CD47: variants seen among roughly 807,000 people sequenced by gnomAD.
CD47 encodes the protein CD47 molecule.
Under a neutral mutation model 44.6 loss-of-function variants are expected in CD47, and 11 were observed. The observed-to-expected ratio is 0.25, with a 90% CI of 0.16 to 0.41. CD47 has a LOEUF of 0.41. Among genes scored for constraint, CD47 ranks in the 10% least tolerant of loss-of-function variants. The pLI, the probability that CD47 is intolerant of heterozygous loss-of-function variation, is 1.00. For missense variants in CD47, 306 were observed against 386.7 expected (o/e 0.79, Z 1.75); for synonymous variants, 140 against 136.3 (o/e 1.03, Z -0.19).
intron 3 of CD47, among the ~76,000 whole-genome samples, chr3:108,061,232 A>G (rs1266623073): frequency 6.7e-6 from 1 of 150,342 alleles, no homozygotes; most frequent in Non-Finnish European, 1.5e-5. Flanking sequence ...ACTAGATGCT[A>G]GTAACTAGAT....
At chr3:108,090,414 G>C (rs1285650238) in intron 1 of CD47, among the ~76,000 whole-genome samples, 1 of 152,198 alleles carries the variant, frequency 6.6e-6, no homozygotes. Flanking sequence ...TCCATCGCAA[G>C]AGGCCCGGGC....
chr3:108,065,654 T>C (rs559021673), intron 3 of CD47, among the ~76,000 whole-genome samples: 2 of 151,044 alleles, frequency 1.3e-5, no homozygotes, highest in African/African-American at 4.9e-5. Flanking sequence ...CTACTAAAAA[T>C]ACAAAAATTA....
chr3:108,052,406 G>C (rs1291594403), intron 7 of CD47: 1 of 163,256 alleles, frequency 6.1e-6, no homozygotes, highest in Non-Finnish European at 1.3e-5. Context: ...TACAAGCTCA[G>C]TCTCTTTCTC....
intron 2 of CD47, among the ~76,000 whole-genome samples, chr3:108,078,539 G>T (rs1279032175): frequency 6.6e-6 from 1 of 150,942 alleles, no homozygotes; most frequent in Non-Finnish European, 1.5e-5. Context: ...ATTTCAACTA[G>T]GTATTAGATG....
chr3:108,049,605 C>T lies in CD47; in HGVS notation c.967+14G>A. On this transcript the variant is annotated intron_variant, in intron 10 of 10. Coordinates refer to ENST00000361309, the MANE Select transcript of CD47 (RefSeq NM_001777.4). The stretch of plus-strand genomic sequence containing the variant: ...TTAACTGATCTATAATTATTAAGTG[C>T]ATTTTATACTTACCATCATTCATCA... 1 of 1,504,436 alleles carries T rather than the reference C, an allele frequency of 6.6e-7. No individual in the cohort carries two copies. Among genetic ancestry groups the T allele is most frequent in the Non-Finnish European group, 9.3e-7 (1 of 1,080,442 alleles). The allele number at this position is 1,504,436 out of a possible 1,614,324, so 93.2% of individuals were successfully genotyped here. A position where few individuals can be genotyped will look rare whatever the true frequency, so the allele number is the denominator to read the frequency against.
At chr3:108,055,569 G>A in intron 7 of CD47, 1 of 1,302,036 alleles carries the variant, frequency 7.7e-7, no homozygotes, top group Non-Finnish European at 1.0e-6. Flanking sequence ...TCTGAACCCT[G>A]GCATCAGACA....
chr3:108,079,811 G>A (rs1181688190), intron 2 of CD47, among the ~76,000 whole-genome samples, 180 bp downstream of exon 2: 2 of 151,790 alleles, frequency 1.3e-5, no homozygotes, highest in Non-Finnish European at 1.5e-5. Context: ...ACCATGAAGA[G>A]TAGATTAACA....
chr3:108,085,417 G>A (rs1375529550), intron 1 of CD47, among the ~76,000 whole-genome samples: 3 of 152,116 alleles, frequency 2.0e-5, no homozygotes, highest in African/African-American at 7.2e-5. Flanking sequence ...ATACCTCATA[G>A]AGATATTGTT....
rs1164098558 is a variant in CD47, at chr3:108,043,542, T to C, written c.*3746A>G. 1 of 152,560 alleles carries C rather than the reference T, an allele frequency of 6.6e-6. No homozygotes were observed. The highest frequency in any genetic ancestry group is 1.5e-5 in the Non-Finnish European group (1 of 68,020). 9.5% of individuals were successfully genotyped at this position (152,560 alleles called of 1,614,324 possible). ...TGACAAATAGCACACCTTTAATTGCTATGCAAAAAAGCTCCAAGAGAGGAT... is the reference window on the plus strand; with the variant it reads ...TGACAAATAGCACACCTTTAATTGCCATGCAAAAAAGCTCCAAGAGAGGAT... On this transcript the variant is annotated 3_prime_UTR_variant, in exon 11 of 11. Transcript: ENST00000361309.
chr3:108,064,918 T>C (rs1335452225), intron 3 of CD47, among the ~76,000 whole-genome samples: 1 of 152,218 alleles, frequency 6.6e-6, no homozygotes, highest in African/African-American at 2.4e-5. Flanking sequence ...CCTTTACACA[T>C]AAAATTACAA....
At chr3:108,063,120 T>C (rs1408536629) in intron 3 of CD47, among the ~76,000 whole-genome samples, 1 of 152,192 alleles carries the variant, frequency 6.6e-6, no homozygotes, top group Admixed American at 6.5e-5. Flanking sequence ...ATGGTCCGTC[T>C]CTCTTTGAGT....
intron 5 of CD47, 55 bp downstream of exon 5, chr3:108,059,397 C>G (rs2078973499): frequency 1.2e-6 from 1 of 839,214 alleles, no homozygotes; most frequent in African/African-American, 1.8e-5. Context: ...ACCAAAACTG[C>G]TGTTTTGTAA....
intron 7 of CD47, chr3:108,054,513 G>C (rs1214938816): frequency 6.6e-6 from 1 of 152,056 alleles, no homozygotes; most frequent in Non-Finnish European, 1.5e-5. Flanking sequence ...TACGATTTCT[G>C]CTGCTACCAT....
intron 2 of CD47, among the ~76,000 whole-genome samples, chr3:108,078,056 C>T (rs1256962624): frequency 1.3e-5 from 2 of 152,024 alleles, no homozygotes; most frequent in African/African-American, 4.8e-5. Flanking sequence ...TGTGAACTTC[C>T]TGATTTTCAT....
rs138378253 is a variant in CD47, at chr3:108,083,973, C to T, written c.47-3629G>A. 6.5e-3 allele frequency among the ~76,000 whole-genome samples: 992 copies of T among 151,720 alleles called. 16 individuals are homozygous for T. Among genetic ancestry groups the T allele is most frequent in the African/African-American group, 0.023 (950 of 41,354 alleles). ...TAGTTTCCATTTCTGCCTCCATACC[C>T]ATCAGTCTCCTCAACGACTTTCCTT... On this transcript the variant is annotated intron_variant, in intron 1 of 10. Coordinates refer to ENST00000361309, the MANE Select transcript of CD47 (RefSeq NM_001777.4).
rs2078708364 is a variant in CD47 at position 108,045,532 on chromosome 3, G to C, written c.*1756C>G. The C allele has an allele frequency of 6.6e-6, 1 of 151,942 alleles. No homozygotes were observed. Among genetic ancestry groups the C allele is most frequent in the African/African-American group, 2.4e-5 (1 of 41,208 alleles). 9.4% of individuals were successfully genotyped at this position (151,942 alleles called of 1,614,324 possible). A position where few individuals can be genotyped will look rare whatever the true frequency, so the allele number is the denominator to read the frequency against. ...GTGTGTATATACATACGTATATATA[G>C]ATATACGTATATATTTGTGTATACA... On this transcript the variant is annotated 3_prime_UTR_variant, in exon 11 of 11. Coordinates refer to ENST00000361309, the MANE Select transcript of CD47 (RefSeq NM_001777.4).
At chr3:108,088,478 A>G (rs866957222) in intron 1 of CD47, among the ~76,000 whole-genome samples, 24 of 152,352 alleles carry the variant, frequency 1.6e-4, no homozygotes, top group South Asian at 1.0e-3. Context: ...CGTACTTTTA[A>G]ATAGGCATTT....
chr3:108,085,442 T>A (rs905094911), intron 1 of CD47, among the ~76,000 whole-genome samples: 2 of 152,142 alleles, frequency 1.3e-5, no homozygotes, highest in Admixed American at 6.5e-5. Flanking sequence ...TTTAATAAGA[T>A]AACATGTTTT....
At chr3:108,047,559 A>C (rs1210308283) in intron 10 of CD47, among the ~76,000 whole-genome samples, 1 of 152,210 alleles carries the variant, frequency 6.6e-6, no homozygotes, top group African/African-American at 2.4e-5. Context: ...AGAGATGTTG[A>C]TTTTTCAAAG....
Sources: gnomAD v4.1 joint callset for allele counts (sites outside exome capture counted in the v4.1 genomes callset) on GRCh38, gnomAD v4.1.1 for gene constraint, MANE v1.5 for transcripts, NCBI Gene and HGNC (gene_info 2026-07-23, HGNC 2026-07-21) for gene names.